The following IGSF21 variants were observed in gnomAD, a reference collection of about 807,000 sequenced individuals.
The protein encoded by IGSF21 is immunoglobin superfamily member 21.
Under a neutral mutation model 46.8 loss-of-function variants are expected in IGSF21, and 28 were observed. The observed-to-expected ratio is 0.60, with a 90% CI of 0.44 to 0.82. IGSF21 has a LOEUF of 0.82. Among genes scored for constraint, IGSF21 ranks in the 40% least tolerant of loss-of-function variants. The probability of loss-of-function intolerance (pLI) is 0.00; values close to 1 mark genes in which losing one functional copy is unlikely to be tolerated. For missense variants in IGSF21, 624 were observed against 665.5 expected, an observed-to-expected ratio of 0.94 and a Z score of 0.69; for synonymous variants, 284 against 273.6, an observed-to-expected ratio of 1.04 and a Z score of -0.38.
chr1:18,156,672 T>C (rs1371087743), intron 1 of IGSF21, among the ~76,000 whole-genome samples: 2 of 152,126 alleles, frequency 1.3e-5, no homozygotes, highest in Non-Finnish European at 2.9e-5. Context: ...CCAGAGAAAG[T>C]TAAGGGAAGA....
At chr1:18,362,261 C>T (rs750868952) in intron 5 of IGSF21, 31 bp downstream of exon 5, 13 of 1,500,034 alleles carry the variant, frequency 8.7e-6, no homozygotes, top group Non-Finnish European at 1.1e-5. Flanking sequence ...CAGCTCCTTC[C>T]TATCTGCCGG....
intron 4 of IGSF21, among the ~76,000 whole-genome samples, chr1:18,351,555 T>TG (rs1267526970): frequency 6.6e-6 from 1 of 152,172 alleles, no homozygotes; most frequent in African/African-American, 2.4e-5. Flanking sequence ...CACTGCTCTC[T>TG]GGGGGGAGGA....
intron 1 of IGSF21, among the ~76,000 whole-genome samples, chr1:18,213,037 C>T (rs562874730): frequency 3.9e-5 from 6 of 152,176 alleles, no homozygotes; most frequent in African/African-American, 1.4e-4. Flanking sequence ...GGCCTTGGCC[C>T]GGGGCTTTCT....
chr1:18,317,947 C>G (rs1405345000), intron 3 of IGSF21, among the ~76,000 whole-genome samples: 1 of 152,200 alleles, frequency 6.6e-6, no homozygotes, highest in Non-Finnish European at 1.5e-5. Context: ...CGCAGCGAGT[C>G]AGGATTCAAA....
chr1:18,254,081 T>C (rs897505233), intron 2 of IGSF21, among the ~76,000 whole-genome samples: 1 of 152,178 alleles, frequency 6.6e-6, no homozygotes, highest in African/African-American at 2.4e-5. Flanking sequence ...GGCTCTATGA[T>C]TATCACCATT....
intron 2 of IGSF21, among the ~76,000 whole-genome samples, chr1:18,265,386 G>A (rs1440872982): frequency 6.6e-6 from 1 of 152,192 alleles, no homozygotes; most frequent in Non-Finnish European, 1.5e-5. Flanking sequence ...GGTGGTTGTG[G>A]AACTAGTGTT....
chr1:18,275,203 T>C (rs758629529), intron 2 of IGSF21, among the ~76,000 whole-genome samples: 4 of 152,232 alleles, frequency 2.6e-5, no homozygotes, highest in Admixed American at 6.5e-5. Context: ...TTGCAGGCTC[T>C]GGGCAGAGTT....
In IGSF21 at chr1:18,365,399, G is replaced by A; in HGVS notation, c.717G>A (p.Gly239=). The change falls in exon 6 of 10, where the codon GGG becomes GGA. Residue 239 remains glycine, a synonymous_variant. Coordinates refer to ENST00000251296, the MANE Select transcript of IGSF21 (RefSeq NM_032880.5). This position sits in a 1 kb window ranked among gnomAD's most constrained non-coding sequence, Gnocchi z 4.8. ...TCCTGGACGCCGAGAACCGGGGTGG[G>A]CGACCCTACACGGAGCGCCCCTCCC... is the stretch of plus-strand genomic sequence containing the variant. ...LSLLDAENRG[G]RPYTERPSRG... is the part of the protein sequence containing the mutation. 2 of 1,613,788 alleles carry A rather than the reference G, an allele frequency of 1.2e-6. No individual in the cohort carries two copies. The highest frequency in any genetic ancestry group is 1.7e-6 in the Non-Finnish European group (2 of 1,179,962).
intron 3 of IGSF21, among the ~76,000 whole-genome samples, chr1:18,306,367 C>T (rs1051033761): frequency 2.6e-5 from 4 of 152,238 alleles, no homozygotes; most frequent in African/African-American, 9.6e-5. Flanking sequence ...GATGCTTTCC[C>T]TGACTGCCTC....
In IGSF21 at chr1:18,150,101, A is replaced by T. The variant is rs369361791; in HGVS notation, c.70+41903A>T. ...AGGCTCTGTCTCTGCAAAACAAAAA[A>T]TTAGCCGGGTGCAGTGGCTCATATG... On this transcript the variant is annotated intron_variant, in intron 1 of 9. Transcript: ENST00000251296. Among the ~76,000 whole-genome samples the T allele has an allele frequency of 1.1e-4, 17 of 152,242 alleles. No individual in the cohort carries two copies. In the South Asian group the frequency reaches 2.5e-3, roughly 22 times the overall value.
Position 18,365,385 on chromosome 1 carries a change from G to A in IGSF21, c.703G>A (p.Glu235Lys), listed in dbSNP as rs375427494. The change falls in exon 6 of 10, where the codon GAG becomes AAG. Residue 235 changes from glutamate to lysine, a missense_variant. Physicochemically the swap from Glu to Lys is moderately conservative, Grantham distance 56. Coordinates refer to ENST00000251296, the MANE Select transcript of IGSF21 (RefSeq NM_032880.5). This position sits in a 1 kb window ranked among gnomAD's most constrained non-coding sequence, Gnocchi z 4.8. ...MQKSLSLLDA[E>K]NRGGRPYTER... ...GAAGTCACTGTCCCTCCTGGACGCCGAGAACCGGGGTGGGCGACCCTACAC... is the reference window on the plus strand; with the variant it reads ...GAAGTCACTGTCCCTCCTGGACGCCAAGAACCGGGGTGGGCGACCCTACAC... 25 of 1,613,906 alleles carry A rather than the reference G, an allele frequency of 1.5e-5. No homozygotes were observed. The highest frequency in any genetic ancestry group is 6.7e-5 in the East Asian group (3 of 44,862).
chr1:18,350,622 A>G (rs2085942398), intron 4 of IGSF21, among the ~76,000 whole-genome samples: 1 of 152,178 alleles, frequency 6.6e-6, no homozygotes, highest in Non-Finnish European at 1.5e-5. Flanking sequence ...GCAGAGTCCA[A>G]TGTCAAGGGG....
At chr1:18,352,079 T>C (rs1337452275) in intron 4 of IGSF21, among the ~76,000 whole-genome samples, 4 of 152,154 alleles carry the variant, frequency 2.6e-5, no homozygotes, top group African/African-American at 4.8e-5. Flanking sequence ...CTTTGGGGAT[T>C]TGAAGTCCTT....
intron 4 of IGSF21, among the ~76,000 whole-genome samples, chr1:18,352,777 T>C (rs185002985): frequency 2.6e-5 from 4 of 152,278 alleles, no homozygotes; most frequent in African/African-American, 9.6e-5. Context: ...CTTCTACCAC[T>C]GCGAAAGCAC....
At chr1:18,174,435 A>G (rs2086774872) in intron 1 of IGSF21, among the ~76,000 whole-genome samples, 1 of 152,192 alleles carries the variant, frequency 6.6e-6, no homozygotes, top group Non-Finnish European at 1.5e-5. Flanking sequence ...AGGGAACTGC[A>G]TGGATCTGAA....
chr1:18,107,854 C>A lies in IGSF21; in HGVS notation c.-275C>A, dbSNP rs2086105154. ...ATCGGACTCTGGGCCGCGGTGGGCACCGCGCGCAGCTAGGGAGCCGAGAAC... is the reference window on the plus strand; with the variant it reads ...ATCGGACTCTGGGCCGCGGTGGGCAACGCGCGCAGCTAGGGAGCCGAGAAC... On this transcript the variant is annotated 5_prime_UTR_variant, in exon 1 of 10. Transcript: ENST00000251296. The A allele has an allele frequency of 6.2e-6, 1 of 161,708 alleles. No individual in the cohort carries two copies. The highest frequency in any genetic ancestry group is 2.4e-5 in the African/African-American group (1 of 41,498). 10.0% of individuals were successfully genotyped at this position (161,708 alleles called of 1,614,324 possible).
chr1:18,346,760 A>T (rs2085897376), intron 4 of IGSF21, among the ~76,000 whole-genome samples: 1 of 152,160 alleles, frequency 6.6e-6, no homozygotes, highest in Non-Finnish European at 1.5e-5. Flanking sequence ...TGAGAAGGGC[A>T]GCAGAATGAG....
intron 5 of IGSF21, among the ~76,000 whole-genome samples, chr1:18,362,821 C>T (rs1392777790): frequency 2.6e-5 from 4 of 152,150 alleles, no homozygotes; most frequent in African/African-American, 4.8e-5. Flanking sequence ...GTGCAGTTCA[C>T]GAGATTTTTT....
At chr1:18,149,964 G>C (rs778497835) in intron 1 of IGSF21, among the ~76,000 whole-genome samples, 1 of 152,130 alleles carries the variant, frequency 6.6e-6, no homozygotes, top group Non-Finnish European at 1.5e-5. Flanking sequence ...AAGAATGTAG[G>C]CTTTGGGGCC....
Sources: allele counts gnomAD v4.1 joint callset (sites outside exome capture counted in the v4.1 genomes callset), GRCh38; gene constraint gnomAD v4.1.1; non-coding constraint Gnocchi (gnomAD v3.1); transcripts MANE v1.5; gene names NCBI Gene and HGNC (gene_info 2026-07-23, HGNC 2026-07-21).